CDH2: variants seen among roughly 807,000 people sequenced by gnomAD.
CDH2 encodes cadherin 2.
Under a neutral mutation model 92.0 loss-of-function variants are expected in CDH2, and 17 were observed. The ratio of observed to expected loss-of-function variants is 0.18; its 90% CI spans 0.13 to 0.28. The LOEUF (loss-of-function observed/expected upper bound fraction) is 0.28, where lower values mean the gene tolerates loss of function less well. Among genes scored for constraint, CDH2 ranks in the 10% least tolerant of loss-of-function variants. The pLI is 1.00. For missense variants in CDH2, 862 were observed against 1,133.1 expected (o/e 0.76, Z 3.44); for synonymous variants, 419 against 415.9 (o/e 1.01, Z -0.09).
At position 27,990,246 on chromosome 18, in the gene CDH2, G is replaced by A. The variant is rs760359051; in HGVS notation, c.1449C>T (p.Thr483=). 6.8e-6 allele frequency: 11 copies of A among 1,613,818 alleles called. No homozygotes were observed. The highest frequency in any genetic ancestry group is 2.2e-5 in the East Asian group (1 of 44,890). The change falls in exon 10 of 16, where the codon ACC becomes ACT. Residue 483 remains threonine, a synonymous_variant. Transcript: ENST00000269141. ...TTACGTCAATAACTGTAACAGACAC[G>A]GTTGCAGTTGACTGAGGGGGGTGCT... ...GIQHPPQSTA[T]VSVTVIDVNE...
At chr18:28,023,107 C>A (rs1015109196) in intron 2 of CDH2, among the ~76,000 whole-genome samples, 3 of 152,044 alleles carry the variant, frequency 2.0e-5, no homozygotes, top group Non-Finnish European at 2.9e-5. Context: ...AATCCCTTAT[C>A]TTTGAATAAA....
chr18:28,022,163 T>C (rs907822005), intron 2 of CDH2, among the ~76,000 whole-genome samples: 4 of 152,042 alleles, frequency 2.6e-5, no homozygotes, highest in Non-Finnish European at 5.9e-5. Context: ...GCCACAATAG[T>C]TCCTTTCTAA....
intron 1 of CDH2, among the ~76,000 whole-genome samples, chr18:28,150,361 T>C (rs533860612): frequency 6.6e-6 from 1 of 152,284 alleles, no homozygotes; most frequent in Admixed American, 6.5e-5. Context: ...CAAGAAAGTC[T>C]CAAGACTAGA....
At chr18:28,074,365 G>A (rs567514811) in intron 2 of CDH2, among the ~76,000 whole-genome samples, 4 of 152,072 alleles carry the variant, frequency 2.6e-5, no homozygotes, top group African/African-American at 4.8e-5. Context: ...TACTATCCAC[G>A]ACATTAAATT....
At chr18:28,084,384 A>G (rs1369763355) in intron 2 of CDH2, among the ~76,000 whole-genome samples, 1 of 152,170 alleles carries the variant, frequency 6.6e-6, no homozygotes, top group East Asian at 1.9e-4. Flanking sequence ...GTACAAAATA[A>G]CAAAAATAGT....
chr18:28,052,392 A>C (rs1216280202), intron 2 of CDH2, among the ~76,000 whole-genome samples: 1 of 152,234 alleles, frequency 6.6e-6, no homozygotes, highest in Non-Finnish European at 1.5e-5. Flanking sequence ...AAATGAAAAA[A>C]TAAATTTTAA....
intron 2 of CDH2, among the ~76,000 whole-genome samples, chr18:28,022,109 A>G (rs920321176): frequency 6.6e-6 from 1 of 151,946 alleles, no homozygotes; most frequent in African/African-American, 2.4e-5. Context: ...CACATAACGA[A>G]TTTGCTCATA....
chr18:27,953,013 A>C (rs1909538780), intron 15 of CDH2, among the ~76,000 whole-genome samples: 1 of 152,184 alleles, frequency 6.6e-6, no homozygotes, highest in African/African-American at 2.4e-5. Context: ...TGTGATTACT[A>C]CATAAAGGGA....
intron 2 of CDH2, among the ~76,000 whole-genome samples, chr18:28,017,258 G>A (rs538349442): frequency 9.2e-5 from 14 of 151,818 alleles, no homozygotes; most frequent in African/African-American, 3.4e-4. Context: ...TTTTTTTCTT[G>A]GCAACTTTTA....
intron 6 of CDH2, among the ~76,000 whole-genome samples, chr18:27,942,728 T>C (rs1386762858): frequency 6.6e-6 from 1 of 152,234 alleles, no homozygotes; most frequent in Non-Finnish European, 1.5e-5. Flanking sequence ...CCGGAAATGT[T>C]ACTTTGATTT....
intron 2 of CDH2, among the ~76,000 whole-genome samples, chr18:28,091,893 CA>C (rs1440804306): frequency 6.6e-6 from 1 of 151,974 alleles, no homozygotes; most frequent in Non-Finnish European, 1.5e-5. Context: ...TGTGTATTCT[CA>C]CAATTCTAGA....
In CDH2 at chr18:27,951,226, A is replaced by C. The variant is rs1389093753; in HGVS notation, c.*927T>G. 21 of 151,388 alleles carry C rather than the reference A, an allele frequency of 1.4e-4. No individual in the cohort carries two copies. Among genetic ancestry groups the C allele is most frequent in the Admixed American group, 1.4e-3 (21 of 15,194 alleles). 9.4% of individuals were successfully genotyped at this position (151,388 alleles called of 1,614,324 possible). On this transcript the variant is annotated 3_prime_UTR_variant, in exon 16 of 16. Transcript: ENST00000269141. ...TGCTAAGAACTTTTCTCCCTCCCCA[A>C]ACCAAAAAGAAAATAAAAAATAAAA...
At chr18:28,010,053 G>C (rs2013052434) in intron 4 of CDH2, among the ~76,000 whole-genome samples, 181 bp from the exon 5 acceptor site, 1 of 152,146 alleles carries the variant, frequency 6.6e-6, no homozygotes, top group Non-Finnish European at 1.5e-5. Context: ...GGCTTCAAAA[G>C]AGATGTCATC....
At chr18:28,047,234 C>A (rs2014094714) in intron 2 of CDH2, among the ~76,000 whole-genome samples, 1 of 151,946 alleles carries the variant, frequency 6.6e-6, no homozygotes, top group South Asian at 2.1e-4. Flanking sequence ...TTGCTAGAAG[C>A]CAAAAAGAAA....
At chr18:28,052,323 G>C (rs891593489) in intron 2 of CDH2, among the ~76,000 whole-genome samples, 1 of 152,090 alleles carries the variant, frequency 6.6e-6, no homozygotes, top group Non-Finnish European at 1.5e-5. Context: ...TAATTAAATA[G>C]ATGAAGAAAA....
At chr18:28,115,693 G>A (rs147251495) in intron 2 of CDH2, among the ~76,000 whole-genome samples, 45 of 152,236 alleles carry the variant, frequency 3.0e-4, no homozygotes, top group African/African-American at 1.0e-3. Flanking sequence ...TCCAAAGTCA[G>A]GAAACTGAAT....
intron 6 of CDH2, among the ~76,000 whole-genome samples, chr18:27,945,237 G>GA (rs934791830): frequency 2.1e-5 from 3 of 144,106 alleles, no homozygotes; most frequent in Admixed American, 7.0e-5. Context: ...TTTGCTGCAT[G>GA]AAAAAAAAGA....
At chr18:28,079,455 T>C (rs1274783428) in intron 2 of CDH2, among the ~76,000 whole-genome samples, 1 of 152,198 alleles carries the variant, frequency 6.6e-6, no homozygotes, top group Non-Finnish European at 1.5e-5. Context: ...CTCCAATTAT[T>C]TGTTATTCTA....
intron 1 of CDH2, among the ~76,000 whole-genome samples, chr18:28,158,882 C>T (rs373616491): frequency 5.9e-5 from 9 of 152,310 alleles, no homozygotes; most frequent in African/African-American, 2.2e-4. Flanking sequence ...ACTCTTCCCA[C>T]TAATCTTGTT....
Sources: allele counts gnomAD v4.1 joint callset (sites outside exome capture counted in the v4.1 genomes callset), GRCh38; gene constraint gnomAD v4.1.1; transcripts MANE v1.5; gene names NCBI Gene and HGNC (gene_info 2026-07-23, HGNC 2026-07-21).